The following CWC27 variants were observed in gnomAD, a reference collection of about 807,000 sequenced individuals.
The protein encoded by CWC27 is spliceosome-associated protein CWC27 homolog.
In CWC27, 47 loss-of-function variants were observed where a neutral mutation model predicts 63.6. The observed-to-expected ratio is 0.74, with a 90% confidence interval of 0.58 to 0.94. The LOEUF (loss-of-function observed/expected upper bound fraction) is 0.94. Among genes scored for constraint, CWC27 ranks in the 40% least tolerant of loss-of-function variants. CWC27 has a pLI of 0.00. For missense variants in CWC27, 495 were observed against 554.3 expected, an observed-to-expected ratio of 0.89 and a Z score of 1.07; for synonymous variants, 175 against 179.8, an observed-to-expected ratio of 0.97 and a Z score of 0.22.
At chr5:64,840,274 T>C (rs1745766959) in intron 10 of CWC27, among the ~76,000 whole-genome samples, 1 of 146,430 alleles carries the variant, frequency 6.8e-6, no homozygotes, top group Non-Finnish European at 1.5e-5. Flanking sequence ...GATGGGAAGA[T>C]GAAACTTTCC....
chr5:64,928,581 G>GACAC (rs147833157), intron 11 of CWC27, among the ~76,000 whole-genome samples: 136 of 149,560 alleles, frequency 9.1e-4, no homozygotes, highest in African/African-American at 3.0e-3. Flanking sequence ...AACAAAGTGT[G>GACAC]ACACACACAC....
At chr5:64,886,439 A>G (rs1193869562) in intron 11 of CWC27, among the ~76,000 whole-genome samples, 1 of 152,132 alleles carries the variant, frequency 6.6e-6, no homozygotes, top group Non-Finnish European at 1.5e-5. Flanking sequence ...ATTTGCTTGT[A>G]CATATATATT....
intron 10 of CWC27, among the ~76,000 whole-genome samples, chr5:64,852,404 T>C (rs758600721): frequency 9.2e-5 from 14 of 152,326 alleles, no homozygotes; most frequent in East Asian, 7.7e-4. Context: ...TTATTAGATA[T>C]CTAAGATCTA....
chr5:64,890,277 T>C (rs1226229549), intron 11 of CWC27, among the ~76,000 whole-genome samples: 2 of 152,232 alleles, frequency 1.3e-5, no homozygotes, highest in African/African-American at 4.8e-5. Context: ...CACTGGGTTA[T>C]TTCACATTTC....
At chr5:64,980,564 T>C (rs1030980128) in intron 13 of CWC27, among the ~76,000 whole-genome samples, 5 of 152,198 alleles carry the variant, frequency 3.3e-5, no homozygotes, top group Non-Finnish European at 5.9e-5. Context: ...AAAATTTCTT[T>C]CCAGATTGTT....
At chr5:64,904,943 G>A (rs1747595396) in intron 11 of CWC27, among the ~76,000 whole-genome samples, 1 of 152,130 alleles carries the variant, frequency 6.6e-6, no homozygotes, top group African/African-American at 2.4e-5. Context: ...GCTCATGCCT[G>A]TAATCCCAGC....
At chr5:64,893,554 T>C (rs1449658614) in intron 11 of CWC27, among the ~76,000 whole-genome samples, 1 of 149,944 alleles carries the variant, frequency 6.7e-6, no homozygotes, top group Non-Finnish European at 1.5e-5. Flanking sequence ...TTGCAGCTTT[T>C]GAGTATTAGT....
At chr5:64,953,758 A>C (rs1224390473) in intron 11 of CWC27, among the ~76,000 whole-genome samples, 1 of 152,180 alleles carries the variant, frequency 6.6e-6, no homozygotes, top group African/African-American at 2.4e-5. Context: ...TTTATTTAAC[A>C]AGTTGCCTTG....
chr5:64,864,079 A>T (rs1019880947), intron 10 of CWC27, among the ~76,000 whole-genome samples: 4 of 152,164 alleles, frequency 2.6e-5, no homozygotes, highest in African/African-American at 9.6e-5. Flanking sequence ...CATAATTCTT[A>T]TTTTTTTATT....
chr5:64,806,806 C>T (rs1294847248), intron 10 of CWC27, among the ~76,000 whole-genome samples: 2 of 151,792 alleles, frequency 1.3e-5, no homozygotes, highest in African/African-American at 2.4e-5. Flanking sequence ...CCTGTATGGG[C>T]AACAGAGCAA....
chr5:64,992,758 C>T (rs1443562626), intron 13 of CWC27, among the ~76,000 whole-genome samples: 2 of 151,076 alleles, frequency 1.3e-5, no homozygotes, highest in Non-Finnish European at 2.9e-5. Context: ...TGGTCTCGAT[C>T]TCCTGACCTC....
chr5:64,932,050 G>A (rs192154785), intron 11 of CWC27, among the ~76,000 whole-genome samples: 1 of 152,154 alleles, frequency 6.6e-6, no homozygotes, highest in East Asian at 1.9e-4. Flanking sequence ...GGTAGTTATC[G>A]TGATTATGAT....
intron 10 of CWC27, among the ~76,000 whole-genome samples, chr5:64,884,658 T>G (rs115175909): frequency 0.023 from 3,467 of 152,278 alleles, 97 homozygotes; most frequent in Non-Finnish European, 0.03. Flanking sequence ...TTGACTTTCA[T>G]AGATAATATA....
chr5:64,924,698 G>A (rs1479346059), intron 11 of CWC27, among the ~76,000 whole-genome samples: 6 of 152,220 alleles, frequency 3.9e-5, no homozygotes, highest in Admixed American at 6.5e-5. Flanking sequence ...TGGCTACCAC[G>A]TTATAGTCCC....
intron 11 of CWC27, among the ~76,000 whole-genome samples, chr5:64,940,613 C>G (rs948933453): frequency 5.3e-5 from 8 of 152,114 alleles, no homozygotes; most frequent in Non-Finnish European, 1.0e-4. Flanking sequence ...CAGTGATTTT[C>G]TACTTCCATC....
intron 11 of CWC27, among the ~76,000 whole-genome samples, chr5:64,934,758 G>A (rs1243611353): frequency 1.3e-5 from 2 of 152,268 alleles, no homozygotes; most frequent in African/African-American, 4.8e-5. Flanking sequence ...ATCCTCTCCA[G>A]CATCTGTTGT....
intron 10 of CWC27, among the ~76,000 whole-genome samples, chr5:64,872,546 C>G (rs1048291543): frequency 2.6e-5 from 4 of 152,258 alleles, no homozygotes; most frequent in African/African-American, 7.2e-5. Context: ...GAAACTTCCA[C>G]CTCATTTTTT....
At chr5:64,808,550 C>A (rs982952360) in intron 10 of CWC27, 2 of 160,036 alleles carry the variant, frequency 1.2e-5, no homozygotes, top group Admixed American at 1.3e-4. Flanking sequence ...TGAATAAATT[C>A]TTCTTTGGCA....
At chr5:64,915,157 AAGTT>A in intron 11 of CWC27, among the ~76,000 whole-genome samples, 1 of 152,144 alleles carries the variant, frequency 6.6e-6, no homozygotes, top group Admixed American at 6.6e-5. Context: ...TTTCAGAAGA[AAGTT>A]TGTTTTTTTC....
Sources: gnomAD v4.1 joint callset for allele counts (sites outside exome capture counted in the v4.1 genomes callset) on GRCh38, gnomAD v4.1.1 for gene constraint, MANE v1.5 for transcripts, NCBI Gene and HGNC (gene_info 2026-07-23, HGNC 2026-07-21) for gene names.